The following CYP4Z1 variants were observed in gnomAD, a reference collection of about 807,000 sequenced individuals.
The protein encoded by CYP4Z1 is cytochrome P450 4Z1.
In CYP4Z1, 41 loss-of-function variants were observed where a neutral mutation model predicts 54.2. That is an observed-to-expected ratio of 0.76 (90% confidence interval 0.59 to 0.98). The LOEUF (loss-of-function observed/expected upper bound fraction) is 0.98. Ranked by LOEUF, CYP4Z1 falls within the 50% of genes least tolerant of loss-of-function variation. The probability of loss-of-function intolerance (pLI) is 0.00; values close to 1 mark genes in which losing one functional copy is unlikely to be tolerated. For synonymous variants in CYP4Z1, 163 were observed against 206.2 expected (o/e 0.79, Z 1.79); for missense variants, 513 against 599.0 (o/e 0.86, Z 1.50).
chr1:47,098,448 T>G (rs1644696235), intron 7 of CYP4Z1, among the ~76,000 whole-genome samples: 2 of 152,222 alleles, frequency 1.3e-5, no homozygotes, highest in South Asian at 4.1e-4. Context: ...ATAGTACATA[T>G]TAATTGTTAA....
At chr1:47,114,011 A>C (rs553218884) in intron 9 of CYP4Z1, among the ~76,000 whole-genome samples, 1 of 152,356 alleles carries the variant, frequency 6.6e-6, no homozygotes, top group Admixed American at 6.5e-5. Flanking sequence ...CAAAAGAACA[A>C]AGCTGGAGGC....
At position 47,084,954 on chromosome 1, in the gene CYP4Z1, A is replaced by G. The variant is rs1403608509; in HGVS notation, c.748A>G (p.Asn250Asp). The change falls in exon 6 of 12, where the codon AAC becomes GAC. Residue 250 changes from asparagine (N) to aspartate (D), a missense_variant. Asn to Asp is a conservative substitution (Grantham distance 23). Transcript: ENST00000334194. ...SSQGQIFSKFNQELHQFTEKV... is the reference protein window; with the variant it reads ...SSQGQIFSKFDQELHQFTEKV... ...TCAAGGCCAAATCTTTTCTAAATTTAACCAAGAACTTCATCAGTTCACAGG... is the reference window on the plus strand; with the variant it reads ...TCAAGGCCAAATCTTTTCTAAATTTGACCAAGAACTTCATCAGTTCACAGG... The G allele has an allele frequency of 1.2e-5, 17 of 1,459,432 alleles. No homozygotes were observed. In the South Asian group the frequency reaches 2.1e-4, roughly 18 times the overall value. The allele number at this position is 1,459,432 out of a possible 1,614,324, so 90.4% of individuals were successfully genotyped here. A position where few individuals can be genotyped will look rare whatever the true frequency, so the allele number is the denominator to read the frequency against.
chr1:47,066,683 A>T (rs1413100527), upstream of CYP4Z1, among the ~76,000 whole-genome samples: 1 of 152,182 alleles, frequency 6.6e-6, no homozygotes, highest in East Asian at 1.9e-4. Flanking sequence ...AAAAGGAAGA[A>T]ATAAAGGGCA....
chr1:47,090,489 AT>A (rs1644631010), intron 6 of CYP4Z1, among the ~76,000 whole-genome samples: 1 of 152,212 alleles, frequency 6.6e-6, no homozygotes, highest in Non-Finnish European at 1.5e-5. Context: ...CCCTTTGGGG[AT>A]TTACAAAGTT....
At position 47,115,601 on chromosome 1, in the gene CYP4Z1, T is replaced by A. The variant is rs1160998573; in HGVS notation, c.1266+8T>A. 6.2e-7 allele frequency: 1 copy of A among 1,612,860 alleles called. No individual in the cohort carries two copies. Among genetic ancestry groups the A allele is most frequent in the Admixed American group, 1.7e-5 (1 of 59,862 alleles). ...TTCTGGGAAGACCCTCAGGTATGAT[T>A]GTCCCAACTGCACCCAGTGGCATCT... is the stretch of plus-strand genomic sequence containing the variant. On this transcript the variant is annotated splice_region_variant and intron_variant, in intron 10 of 11. Transcript: ENST00000334194.
Position 47,084,753 on chromosome 1 carries a change from C to A in CYP4Z1, c.617+9C>A. On this transcript the variant is annotated intron_variant, in intron 5 of 11. Transcript: ENST00000334194. ...AGCATCCAGTTGGACAGGTCAGTGA[C>A]AAAAGGAAGGTAATTGTTTGCCAAT... 2 of 1,612,550 alleles carry A rather than the reference C, an allele frequency of 1.2e-6. No individual in the cohort carries two copies. The highest frequency in any genetic ancestry group is 1.7e-6 in the Non-Finnish European group (2 of 1,179,668).
chr1:47,084,197 A>G (rs1368475646), intron 4 of CYP4Z1, among the ~76,000 whole-genome samples: 1 of 152,166 alleles, frequency 6.6e-6, no homozygotes. Context: ...TAAATTCTCA[A>G]TGGATCTGGG....
rs76091638 is a variant in CYP4Z1 at position 47,099,465 on chromosome 1, C to G, written c.1067+181C>G. Among the ~76,000 whole-genome samples the G allele has an allele frequency of 6.3e-4, 96 of 152,204 alleles. 1 individual carries two copies. The East Asian group carries it at 7.7e-3, about 12-fold the overall frequency. Reference sequence around the variant, plus strand: ...TCACTAGTTTTTATATAGAAAAACACTGTGTCAATCAGACAGTATTCAGTA... The same window carrying G: ...TCACTAGTTTTTATATAGAAAAACAGTGTGTCAATCAGACAGTATTCAGTA... On this transcript the variant is annotated intron_variant, in intron 8 of 11. Transcript: ENST00000334194.
Position 47,082,399 on chromosome 1 carries a change from T to A in CYP4Z1, c.430T>A (p.Phe144Ile), listed in dbSNP as rs1644561424. 6.2e-7 allele frequency: 1 copy of A among 1,613,622 alleles called. No individual in the cohort carries two copies. The highest frequency in any genetic ancestry group is 8.5e-7 in the Non-Finnish European group (1 of 1,179,890). Residue 144 changes from phenylalanine (F) to isoleucine (I), a missense_variant, in exon 4 of 12, where the codon TTC becomes ATC. Physicochemically the swap from Phe to Ile is conservative, Grantham distance 21 (BLOSUM62 0). Coordinates refer to ENST00000334194, the MANE Select transcript of CYP4Z1 (RefSeq NM_178134.3). ...KKHRQIVKPGFNISILKIFIT... is the reference protein window; with the variant it reads ...KKHRQIVKPGINISILKIFIT... ...GCACCGCCAGATTGTGAAACCTGGCTTCAACATCAGCATTCTGAAAATATT... is the reference window on the plus strand; with the variant it reads ...GCACCGCCAGATTGTGAAACCTGGCATCAACATCAGCATTCTGAAAATATT...
chr1:47,091,955 C>T (rs945409311), intron 6 of CYP4Z1, among the ~76,000 whole-genome samples: 2 of 151,472 alleles, frequency 1.3e-5, no homozygotes, highest in Non-Finnish European at 2.9e-5. Flanking sequence ...GAAGGAGGTC[C>T]GCTTTCCTTC....
intron 8 of CYP4Z1, among the ~76,000 whole-genome samples, chr1:47,105,230 T>C (rs1285603057): frequency 2.0e-5 from 3 of 152,108 alleles, no homozygotes; most frequent in East Asian, 1.9e-4. Flanking sequence ...GGAATGTCAC[T>C]GGGGCTTCAG....
intron 2 of CYP4Z1, among the ~76,000 whole-genome samples, chr1:47,077,594 A>G (rs1334990042): frequency 6.6e-6 from 1 of 151,728 alleles, no homozygotes; most frequent in Non-Finnish European, 1.5e-5. Flanking sequence ...ACTTATTTCT[A>G]ACATTTCACT....
chr1:47,091,710 T>C (rs74073740), intron 6 of CYP4Z1, among the ~76,000 whole-genome samples: 52,029 of 145,976 alleles, frequency 0.36, 11,528 homozygotes, highest in East Asian at 0.91. Context: ...TGCCACATCA[T>C]GTGGAGTGTA....
the CYP4Z1 span, among the ~76,000 whole-genome samples, chr1:47,057,315 G>A: frequency 2.5e-5 from 1 of 40,610 alleles, no homozygotes; most frequent in Admixed American, 3.2e-4. Flanking sequence ...GCTTCCCTTT[G>A]TTACTTCTTA....
intron 4 of CYP4Z1, among the ~76,000 whole-genome samples, 193 bp downstream of exon 4, chr1:47,082,654 G>A (rs1644563513): frequency 6.6e-6 from 1 of 151,826 alleles, no homozygotes; most frequent in Non-Finnish European, 1.5e-5. Context: ...TCACAGGGAT[G>A]GACTCAGGGT....
intron 1 of CYP4Z1, 74 bp from the exon 2 acceptor site, chr1:47,068,548 T>C: frequency 3.8e-6 from 6 of 1,564,946 alleles, no homozygotes; most frequent in Non-Finnish European, 5.2e-6. Context: ...ACTTAGCACA[T>C]GGTCCATCCG....
chr1:47,065,647 C>A (rs1281472867), upstream of CYP4Z1, among the ~76,000 whole-genome samples: 1 of 151,806 alleles, frequency 6.6e-6, no homozygotes, highest in African/African-American at 2.4e-5. Flanking sequence ...AATCAAAACT[C>A]AAACCCAGCA....
chr1:47,100,209 C>G (rs747305012), intron 8 of CYP4Z1, among the ~76,000 whole-genome samples: 7 of 152,172 alleles, frequency 4.6e-5, no homozygotes, highest in African/African-American at 1.7e-4. Flanking sequence ...TTTCATTCCT[C>G]TATGGAATTC....
intron 11 of CYP4Z1, 91 bp from the exon 12 acceptor site, chr1:47,117,675 A>G (rs1644840025): frequency 7.2e-6 from 10 of 1,381,500 alleles, no homozygotes; most frequent in Non-Finnish European, 9.6e-6. Flanking sequence ...TTGTTTCCCT[A>G]CAAAAGTCGT....
Sources: allele counts gnomAD v4.1 joint callset (sites outside exome capture counted in the v4.1 genomes callset), GRCh38; gene constraint gnomAD v4.1.1; transcripts MANE v1.5; gene names NCBI Gene and HGNC (gene_info 2026-07-23, HGNC 2026-07-21).